Variants in SEMA3E observed in about 807,000 individuals in gnomAD.
SEMA3E encodes the protein semaphorin-3E.
Under a neutral mutation model 93.6 loss-of-function variants are expected in SEMA3E, and 49 were observed. The observed-to-expected ratio is 0.52, with a 90% CI of 0.42 to 0.66. The LOEUF is 0.66. Ranked by LOEUF, SEMA3E falls within the 30% of genes least tolerant of loss-of-function variation. The pLI is 0.00. For synonymous variants in SEMA3E, 363 were observed against 330.7 expected (o/e 1.10, Z -1.06); for missense variants, 906 against 964.8 (o/e 0.94, Z 0.81).
intron 1 of SEMA3E, among the ~76,000 whole-genome samples, chr7:83,527,223 G>A (rs1369545917): frequency 1.3e-5 from 2 of 152,066 alleles, no homozygotes; most frequent in African/African-American, 2.4e-5. Flanking sequence ...TCCTTCAGAG[G>A]GAACATGGTT....
At chr7:83,517,920 C>A (rs892631116) in intron 1 of SEMA3E, among the ~76,000 whole-genome samples, 2 of 152,032 alleles carry the variant, frequency 1.3e-5, no homozygotes, top group Non-Finnish European at 2.9e-5. Flanking sequence ...CAAATGAGGA[C>A]CATGGTGGAG....
At chr7:83,429,157 C>G (rs1788833153) in intron 4 of SEMA3E, among the ~76,000 whole-genome samples, 1 of 152,020 alleles carries the variant, frequency 6.6e-6, no homozygotes, top group African/African-American at 2.4e-5. Flanking sequence ...TCCTTTAATA[C>G]CATTGGAATA....
chr7:83,408,311 C>T (rs1788365015), intron 6 of SEMA3E, 57 bp downstream of exon 6: 19 of 1,605,588 alleles, frequency 1.2e-5, no homozygotes, highest in East Asian at 6.7e-5. Flanking sequence ...CAACATTTTC[C>T]GTAAGTTTTA....
At chr7:83,541,311 T>G (rs1270370130) in intron 1 of SEMA3E, among the ~76,000 whole-genome samples, 1 of 152,194 alleles carries the variant, frequency 6.6e-6, no homozygotes, top group African/African-American at 2.4e-5. Context: ...ATCAAAATCC[T>G]TATTTTATCT....
At position 83,407,319 on chromosome 7, in the gene SEMA3E, A is replaced by C. The variant is rs1788349915; in HGVS notation, c.671-80T>G. 9.5e-6 allele frequency: 11 copies of C among 1,157,904 alleles called. No individual in the cohort carries two copies. In the South Asian group the frequency reaches 1.4e-4, roughly 15 times the overall value. 71.7% of individuals were successfully genotyped at this position (1,157,904 alleles called of 1,614,324 possible). A position where few individuals can be genotyped will look rare whatever the true frequency, so the allele number is the denominator to read the frequency against. On this transcript the variant is annotated intron_variant, in intron 6 of 16. Transcript: ENST00000643230. ...AACAAGTTATTCCAATAAATTGTATATCATCTGAATCCTTAAGTTTAACTT... is the reference window on the plus strand; with the variant it reads ...AACAAGTTATTCCAATAAATTGTATCTCATCTGAATCCTTAAGTTTAACTT...
intron 1 of SEMA3E, chr7:83,612,759 T>C (rs1793290838): frequency 6.6e-6 from 1 of 152,138 alleles, no homozygotes; most frequent in Non-Finnish European, 1.5e-5. Flanking sequence ...CACTTGCCCT[T>C]GGGAAAAAGC....
Position 83,364,123 on chromosome 7 carries a change from T to C in SEMA3E, c.*3463A>G, listed in dbSNP as rs1794630094. On this transcript the variant is annotated 3_prime_UTR_variant, in exon 17 of 17. Transcript: ENST00000643230. ...GTTAGCCAGGATGGTCTCGATCTCC[T>C]GACCTCATGATCCACCCGCCTCGGC... 1.3e-5 allele frequency: 2 copies of C among 151,254 alleles called. No individual in the cohort carries two copies. The highest frequency in any genetic ancestry group is 2.0e-4 in the East Asian group (1 of 5,104). 9.4% of individuals were successfully genotyped at this position (151,254 alleles called of 1,614,324 possible). A position where few individuals can be genotyped will look rare whatever the true frequency, so the allele number is the denominator to read the frequency against.
At position 83,486,447 on chromosome 7, in the gene SEMA3E, A is replaced by C. The variant is rs117201865; in HGVS notation, c.276+3667T>G. On this transcript the variant is annotated intron_variant, in intron 2 of 16. Coordinates refer to ENST00000643230, the MANE Select transcript of SEMA3E (RefSeq NM_012431.3). ...TAAAAAAAATGTTATATCAGGAAAAAATTGAGACAGTAAAGTCCAGACAAG... is the reference window on the plus strand; with the variant it reads ...TAAAAAAAATGTTATATCAGGAAAACATTGAGACAGTAAAGTCCAGACAAG... 1.1e-3 allele frequency among the ~76,000 whole-genome samples: 169 copies of C among 152,246 alleles called. 3 individuals carry two copies. The East Asian group carries it at 0.03, about 27-fold the overall frequency.
In SEMA3E at chr7:83,648,657, T is replaced by C. The variant is rs1389756454; in HGVS notation, c.-115A>G. 1.3e-6 allele frequency: 1 copy of C among 779,888 alleles called. No homozygotes were observed. The allele number at this position is 779,888 out of a possible 1,614,324, so 48.3% of individuals were successfully genotyped here. The stretch of plus-strand genomic sequence containing the variant: ...GAGGCTTTGTCAGAAATCGAACGCG[T>C]TGTCATCAGAAAGCACAGTTCCGAA... On this transcript the variant is annotated 5_prime_UTR_variant, in exon 1 of 17. Coordinates refer to ENST00000643230, the MANE Select transcript of SEMA3E (RefSeq NM_012431.3).
chr7:83,576,865 A>C (rs980783859), intron 1 of SEMA3E, among the ~76,000 whole-genome samples: 1 of 152,108 alleles, frequency 6.6e-6, no homozygotes, highest in Admixed American at 6.6e-5. Context: ...TGAGTGATCC[A>C]CTTGCCTTGG....
intron 12 of SEMA3E, 56 bp from the exon 13 acceptor site, chr7:83,394,394 T>A: frequency 7.0e-7 from 1 of 1,432,234 alleles, no homozygotes; most frequent in Non-Finnish European, 9.7e-7. Context: ...ACATTTACCT[T>A]AATATGGTTG....
intron 1 of SEMA3E, among the ~76,000 whole-genome samples, chr7:83,625,567 C>T (rs1793653367): frequency 6.6e-6 from 1 of 152,116 alleles, no homozygotes; most frequent in Non-Finnish European, 1.5e-5. Flanking sequence ...TATCCTGAGA[C>T]TTTGCTGACG....
In SEMA3E at chr7:83,630,973, T is replaced by A. The variant is rs1562862639; in HGVS notation, c.115+17455A>T. 2.0e-5 allele frequency among the ~76,000 whole-genome samples: 3 copies of A among 152,094 alleles called. No individual in the cohort carries two copies. The South Asian group carries it at 6.2e-4, about 32-fold the overall frequency. The stretch of plus-strand genomic sequence containing the variant: ...GTTAATTAAAAATTATTCTGAAAAA[T>A]TATGTGCCTTTTTTTAAGAACATGG... On this transcript the variant is annotated intron_variant, in intron 1 of 16. Coordinates refer to ENST00000643230, the MANE Select transcript of SEMA3E (RefSeq NM_012431.3).
At chr7:83,552,665 C>T (rs559470126) in intron 1 of SEMA3E, among the ~76,000 whole-genome samples, 9 of 152,028 alleles carry the variant, frequency 5.9e-5, no homozygotes, top group African/African-American at 2.2e-4. Context: ...CTATAAATGG[C>T]TGCTCTGGGA....
chr7:83,468,235 C>A (rs1310710056), intron 3 of SEMA3E, among the ~76,000 whole-genome samples: 1 of 152,182 alleles, frequency 6.6e-6, no homozygotes, highest in Non-Finnish European at 1.5e-5. Flanking sequence ...AGTTTGCATT[C>A]ACATGATATT....
At chr7:83,524,717 T>TA (rs966429514) in intron 1 of SEMA3E, among the ~76,000 whole-genome samples, 16 of 152,148 alleles carry the variant, frequency 1.1e-4, no homozygotes, top group African/African-American at 3.9e-4. Flanking sequence ...TCTCTCTTTT[T>TA]AAAATCTGCT....
intron 1 of SEMA3E, among the ~76,000 whole-genome samples, chr7:83,560,046 G>T (rs1035296477): frequency 2.0e-5 from 3 of 152,028 alleles, no homozygotes; most frequent in Non-Finnish European, 4.4e-5. Flanking sequence ...ATCTATAGTT[G>T]CCAGGGACTA....
intron 1 of SEMA3E, among the ~76,000 whole-genome samples, chr7:83,525,292 C>T (rs1388877330): frequency 6.6e-6 from 1 of 151,966 alleles, no homozygotes; most frequent in Non-Finnish European, 1.5e-5. Context: ...TTCCCTGGAA[C>T]CTCACAGAGC....
At chr7:83,447,227 G>A (rs763797554) in intron 4 of SEMA3E, among the ~76,000 whole-genome samples, 6 of 152,054 alleles carry the variant, frequency 3.9e-5, no homozygotes, top group Non-Finnish European at 7.4e-5. Flanking sequence ...GAATATGGGT[G>A]GACATATAAA....
Sources: allele counts gnomAD v4.1 joint callset (sites outside exome capture counted in the v4.1 genomes callset), GRCh38; gene constraint gnomAD v4.1.1; transcripts MANE v1.5; gene names NCBI Gene and HGNC (gene_info 2026-07-23, HGNC 2026-07-21).